PPM1B: variants seen among roughly 807,000 people sequenced by gnomAD.
PPM1B encodes protein phosphatase 1B.
In PPM1B, 22 loss-of-function variants were observed where a neutral mutation model predicts 43.0. The observed-to-expected ratio is 0.51, with a 90% CI of 0.37 to 0.73. The LOEUF is 0.73. PPM1B is among the 30% of genes least tolerant of loss of function. The probability of loss-of-function intolerance (pLI) is 0.00; values close to 1 mark genes in which losing one functional copy is unlikely to be tolerated. For synonymous variants in PPM1B, 217 were observed against 197.9 expected (o/e 1.10, Z -0.81); for missense variants, 632 against 584.2 (o/e 1.08, Z -0.84).
Position 44,230,830 on chromosome 2 carries a change from T to C in PPM1B, c.*112T>C. On this transcript the variant is annotated 3_prime_UTR_variant, in exon 6 of 6. Coordinates refer to ENST00000282412, the MANE Select transcript of PPM1B (RefSeq NM_002706.6). ...TTTGAATCTTGGAAAACTAGTTTTA[T>C]TATATTCAGATAGCCTTGTTTTTTA... 6.2e-6 allele frequency: 9 copies of C among 1,461,752 alleles called. No homozygotes were observed. The highest frequency in any genetic ancestry group is 8.2e-6 in the Non-Finnish European group (9 of 1,104,054). The allele number at this position is 1,461,752 out of a possible 1,614,324, so 90.5% of individuals were successfully genotyped here. A position where few individuals can be genotyped will look rare whatever the true frequency, so the allele number is the denominator to read the frequency against.
chr2:44,204,854 G>A (rs1175449956), intron 2 of PPM1B, among the ~76,000 whole-genome samples: 4 of 92,164 alleles, frequency 4.3e-5, no homozygotes, highest in East Asian at 6.3e-4. Context: ...GCGAGACTCC[G>A]TCTCAAAAAA....
At chr2:44,169,695 C>T (rs564146362) in intron 1 of PPM1B, among the ~76,000 whole-genome samples, 1 of 152,368 alleles carries the variant, frequency 6.6e-6, no homozygotes, top group South Asian at 2.1e-4. Context: ...GTTTCCTCAT[C>T]AGCTTCTGCC....
intron 1 of PPM1B, among the ~76,000 whole-genome samples, chr2:44,183,811 T>C (rs1303146976): frequency 6.6e-6 from 1 of 152,164 alleles, no homozygotes; most frequent in Admixed American, 6.5e-5. Flanking sequence ...CGATCTCGGC[T>C]CACTGCAAGC....
chr2:44,199,313 AAAAATAAAAAT>A (rs1251251985), intron 1 of PPM1B, among the ~76,000 whole-genome samples: 1,626 of 101,588 alleles, frequency 0.016, 25 homozygotes, highest in African/African-American at 0.029. Context: ...CAAAAAAAAA[AAAAATAAAAAT>A]AAAAAAAAAA....
At chr2:44,176,412 C>G (rs1331008598) in intron 1 of PPM1B, among the ~76,000 whole-genome samples, 6 of 152,204 alleles carry the variant, frequency 3.9e-5, no homozygotes, top group Non-Finnish European at 8.8e-5. Flanking sequence ...TACTTTTGTG[C>G]TCTTAGCAAA....
intron 5 of PPM1B, among the ~76,000 whole-genome samples, chr2:44,243,264 TAC>T (rs1558439649): frequency 1.3e-5 from 2 of 152,224 alleles, no homozygotes; most frequent in African/African-American, 4.8e-5. Flanking sequence ...ACCCTTCATA[TAC>T]ACTTTTAAAT....
chr2:44,188,763 T>TTTCC (rs528327372), intron 1 of PPM1B, among the ~76,000 whole-genome samples: 6 of 139,598 alleles, frequency 4.3e-5, no homozygotes, highest in Non-Finnish European at 3.2e-5. Context: ...TCCTTCCTTC[T>TTTCC]TTCCTTCCTT....
downstream of PPM1B, among the ~76,000 whole-genome samples, chr2:44,244,732 ATCTG>A: frequency 6.7e-6 from 1 of 150,062 alleles, no homozygotes; most frequent in African/African-American, 2.4e-5. Flanking sequence ...GCGAATACAA[ATCTG>A]AATAACTCTT....
intron 1 of PPM1B, among the ~76,000 whole-genome samples, chr2:44,172,772 T>A (rs1667407790): frequency 6.6e-6 from 1 of 152,036 alleles, no homozygotes; most frequent in Admixed American, 6.6e-5. Flanking sequence ...CTGGGCTTGG[T>A]GGTGTGTGCA....
At chr2:44,214,343 A>C (rs965764226) in intron 3 of PPM1B, among the ~76,000 whole-genome samples, 2 of 151,566 alleles carry the variant, frequency 1.3e-5, no homozygotes, top group Non-Finnish European at 2.9e-5. Flanking sequence ...TGCTGGGATT[A>C]CAGGCGTGAG....
chr2:44,185,443 A>G (rs987714021), intron 1 of PPM1B, among the ~76,000 whole-genome samples: 1 of 152,278 alleles, frequency 6.6e-6, no homozygotes, highest in African/African-American at 2.4e-5. Context: ...TTTTTCTCAG[A>G]TTAAATTTGC....
chr2:44,236,086 A>C (rs1043420222), downstream of PPM1B, among the ~76,000 whole-genome samples: 1 of 151,620 alleles, frequency 6.6e-6, no homozygotes, highest in Non-Finnish European at 1.5e-5. Context: ...TGGGAGTTGC[A>C]TTGTCATTGA....
chr2:44,226,118 G>A (rs896405079), intron 5 of PPM1B, among the ~76,000 whole-genome samples: 29 of 152,058 alleles, frequency 1.9e-4, no homozygotes, highest in African/African-American at 7.0e-4. Context: ...TGGGACGACA[G>A]GTGCCCGCCA....
intron 1 of PPM1B, among the ~76,000 whole-genome samples, chr2:44,188,393 CTTT>C (rs67959948): frequency 1.2e-4 from 11 of 92,294 alleles, no homozygotes; most frequent in Non-Finnish European, 2.1e-4. Context: ...TTCTTTCTTT[CTTT>C]TTTTTTTTTT....
intron 5 of PPM1B, among the ~76,000 whole-genome samples, chr2:44,228,702 TATG>T (rs942402570): frequency 6.6e-6 from 1 of 151,422 alleles, no homozygotes; most frequent in Non-Finnish European, 1.5e-5. Flanking sequence ...AAAAAGGGGA[TATG>T]ATATGTTGGA....
chr2:44,233,832 G>T (rs1033945309), downstream of PPM1B: 1 of 985,660 alleles, frequency 1.0e-6, no homozygotes, highest in African/African-American at 1.7e-5. Flanking sequence ...TTTTAGCCTT[G>T]TAAGTTAAAG....
Position 44,183,059 on chromosome 2 carries a change from C to T in PPM1B, c.-15+13785C>T, listed in dbSNP as rs146126396. Among the ~76,000 whole-genome samples the T allele has an allele frequency of 3.7e-3, 557 of 152,260 alleles. 3 individuals carry two copies. The highest frequency in any genetic ancestry group is 0.012 in the African/African-American group (515 of 41,542). ...TCCTGTCACACTTTTCAGTGAGTAG[C>T]TATTGGTGATGTTGGAGTTTCTCTC... On this transcript the variant is annotated intron_variant, in intron 1 of 5. Transcript: ENST00000282412.
chr2:44,239,194 A>G (rs1670693932), downstream of PPM1B, among the ~76,000 whole-genome samples: 1 of 151,710 alleles, frequency 6.6e-6, no homozygotes, highest in Non-Finnish European at 1.5e-5. Flanking sequence ...AAAAAAAAAA[A>G]AAAAAAAATC....
chr2:44,224,039 G>A (rs1005752145), intron 5 of PPM1B, among the ~76,000 whole-genome samples: 1 of 152,016 alleles, frequency 6.6e-6, no homozygotes, highest in African/African-American at 2.4e-5. Context: ...ATCACATTTT[G>A]TCATACTGGA....
Sources: gnomAD v4.1 joint callset for allele counts (sites outside exome capture counted in the v4.1 genomes callset) on GRCh38, gnomAD v4.1.1 for gene constraint, MANE v1.5 for transcripts, NCBI Gene and HGNC (gene_info 2026-07-23, HGNC 2026-07-21) for gene names.